The following FMOD variants were observed in gnomAD, a reference collection of about 807,000 sequenced individuals.
The protein encoded by FMOD is fibromodulin.
A neutral mutation model predicts 27.0 loss-of-function variants in FMOD; 15 were observed. The ratio of observed to expected loss-of-function variants is 0.55; its 90% confidence interval spans 0.37 to 0.85. The LOEUF is 0.85. FMOD is among the 40% of genes least tolerant of loss of function. The pLI is 0.00. For missense variants in FMOD, 460 were observed against 483.2 expected, an observed-to-expected ratio of 0.95 and a Z score of 0.45; for synonymous variants, 210 against 214.0, an observed-to-expected ratio of 0.98 and a Z score of 0.16.
intron 1 of FMOD, among the ~76,000 whole-genome samples, chr1:203,350,522 C>T (rs1388614865): frequency 6.6e-6 from 1 of 152,070 alleles, no homozygotes; most frequent in African/African-American, 2.4e-5. Flanking sequence ...ATCCACAGCT[C>T]CCTGGACATG....
chr1:203,343,463 G>A (rs1571516551), intron 2 of FMOD, among the ~76,000 whole-genome samples: 2 of 152,210 alleles, frequency 1.3e-5, no homozygotes, highest in African/African-American at 4.8e-5. Flanking sequence ...AGGAAGCCTC[G>A]TAGGGCTGTC....
At position 203,348,224 on chromosome 1, in the gene FMOD, G is replaced by A; in HGVS notation, c.47C>T (p.Ser16Phe). 1 of 1,614,198 alleles carries A rather than the reference G, an allele frequency of 6.2e-7. No individual in the cohort carries two copies. The highest frequency in any genetic ancestry group is 8.5e-7 in the Non-Finnish European group (1 of 1,180,022). ...LLLLAGLFSL[S>F]QAQYEDDPHW... ...AGGGTCATCTTCATACTGGGCCTGG[G>A]AGAGGGAGAAGAGCCCTGCCAGCAG... The change falls in exon 2 of 3, where the codon TCC becomes TTC. Residue 16 changes from serine to phenylalanine, a missense_variant. Coordinates refer to ENST00000354955, the MANE Select transcript of FMOD (RefSeq NM_002023.5).
chr1:203,342,504 C>T lies in FMOD; in HGVS notation c.980-10G>A. ...CTGCTGATGGAGAACTCTGTGGGGA[C>T]AAGAGGAGCACGGGTCAGGGAGAGA... On this transcript the variant is annotated splice_polypyrimidine_tract_variant and intron_variant, in intron 2 of 2. Coordinates refer to ENST00000354955, the MANE Select transcript of FMOD (RefSeq NM_002023.5). The T allele has an allele frequency of 6.2e-7, 1 of 1,612,008 alleles. No homozygotes were observed. The highest frequency in any genetic ancestry group is 2.2e-5 in the East Asian group (1 of 44,788).
At position 203,342,420 on chromosome 1, in the gene FMOD, C is replaced by A. The variant is rs376575413; in HGVS notation, c.1054G>T (p.Gly352Trp). The A allele has an allele frequency of 1.2e-6, 2 of 1,614,020 alleles. No homozygotes were observed. The highest frequency in any genetic ancestry group is 1.3e-5 in the African/African-American group (1 of 74,936). ...FSKLQVLRLD[G>W]NEIKRSAMPA... ...ATGGCGCTGCGCTTGATCTCGTTCCCGTCCAGGCGCAGCACCTGCAGCTTG... is the reference window on the plus strand; with the variant it reads ...ATGGCGCTGCGCTTGATCTCGTTCCAGTCCAGGCGCAGCACCTGCAGCTTG... The change falls in exon 3 of 3, where the codon GGG becomes TGG. Residue 352 changes from glycine (G) to tryptophan (W), a missense_variant. By Grantham distance (184) the Gly-to-Trp change is radical. Coordinates refer to ENST00000354955, the MANE Select transcript of FMOD (RefSeq NM_002023.5).
chr1:203,348,109 G>A lies in FMOD; in HGVS notation c.162C>T (p.Pro54=), dbSNP rs1007336710. 3.1e-6 allele frequency: 5 copies of A among 1,614,082 alleles called. No homozygotes were observed. The highest frequency in any genetic ancestry group is 1.3e-5 in the African/African-American group (1 of 74,922). Residue 54 remains proline (P), a synonymous_variant, in exon 2 of 3, where the codon CCC becomes CCT. Transcript: ENST00000354955. ...PYPYETYEPY[P]YGVDEGPAYT... is the part of the protein sequence containing the mutation. ...AGGCTGGCCCTTCATCCACCCCATA[G>A]GGGTAAGGCTCGTAGGTCTCATACG...
chr1:203,346,780 A>C (rs1478012648), intron 2 of FMOD, among the ~76,000 whole-genome samples: 3 of 152,188 alleles, frequency 2.0e-5, no homozygotes, highest in Non-Finnish European at 4.4e-5. Flanking sequence ...GCTTCAACCC[A>C]CCATTCTCCT....
chr1:203,350,780 C>T (rs1658984251), intron 1 of FMOD, among the ~76,000 whole-genome samples: 1 of 152,192 alleles, frequency 6.6e-6, no homozygotes, highest in Non-Finnish European at 1.5e-5. Context: ...GGGTCCTTCA[C>T]TTTTTCATGC....
At chr1:203,349,494 G>A (rs10920617) in intron 1 of FMOD, among the ~76,000 whole-genome samples, 12,714 of 152,200 alleles carry the variant, frequency 0.084, 732 homozygotes, top group East Asian at 0.32. Flanking sequence ...TAAGAGACTA[G>A]GGGTGGCCTG....
chr1:203,342,450 A>G lies in FMOD; in HGVS notation c.1024T>C (p.Phe342Leu). ...SFCTVVDVVN[F>L]SKLQVLRLDG... ...AGGCGCAGCACCTGCAGCTTGGAGA[A>G]GTTCACGACGTCCACCACGGTGCAG... Residue 342 changes from phenylalanine (F) to leucine (L), a missense_variant, in exon 3 of 3, where the codon TTC becomes CTC. Physicochemically the swap from Phe to Leu is conservative, Grantham distance 22. Transcript: ENST00000354955. The G allele has an allele frequency of 6.2e-7, 1 of 1,614,194 alleles. No homozygotes were observed. The highest frequency in any genetic ancestry group is 8.5e-7 in the Non-Finnish European group (1 of 1,180,010).
At position 203,348,003 on chromosome 1, in the gene FMOD, T is replaced by C. The variant is rs778711602; in HGVS notation, c.268A>G (p.Met90Val). The C allele has an allele frequency of 1.5e-5, 24 of 1,608,096 alleles. No individual in the cohort carries two copies. The highest frequency in any genetic ancestry group is 2.0e-5 in the Non-Finnish European group (23 of 1,176,644). The part of the protein sequence containing the change: ...CDCPPNFPTA[M>V]YCDNRNLKYL... ...TTGAGGTTGCGATTGTCACAGTACA[T>C]GGCCGTGGGGAAGTTGGGTGGGCAG... Residue 90 changes from methionine to valine, a missense_variant, in exon 2 of 3, where the codon ATG becomes GTG. Physicochemically the swap from Met to Val is conservative, Grantham distance 21. Transcript: ENST00000354955.
In FMOD at chr1:203,342,400, G is replaced by A. The variant is rs772045623; in HGVS notation, c.1074C>T (p.Ser358=). ...AGAGGGGCGCGTCGGCAGGCATGGC[G>A]CTGCGCTTGATCTCGTTCCCGTCCA... ...LRLDGNEIKR[S]AMPADAPLCL... Residue 358 remains serine, a synonymous_variant, in exon 3 of 3, where the codon AGC becomes AGT. Coordinates refer to ENST00000354955, the MANE Select transcript of FMOD (RefSeq NM_002023.5). 54 of 1,613,938 alleles carry A rather than the reference G, an allele frequency of 3.3e-5. No individual in the cohort carries two copies. In the Middle Eastern group the frequency reaches 4.9e-4, roughly 15 times the overall value.
At chr1:203,344,336 T>G (rs557827047) in intron 2 of FMOD, among the ~76,000 whole-genome samples, 7 of 152,312 alleles carry the variant, frequency 4.6e-5, no homozygotes, top group African/African-American at 1.4e-4. Context: ...GGGACATACC[T>G]GTGGGGAGCT....
chr1:203,347,931 T>A lies in FMOD; in HGVS notation c.340A>T (p.Asn114Tyr). ...PSRMKYVYFQ[N>Y]NQITSIQEGV... ...TCCTGGATGGAGGTGATCTGGTTGT[T>A]CTGGAAGTACACATACTTCATGCGG... Residue 114 changes from asparagine (N) to tyrosine (Y), a missense_variant, in exon 2 of 3, where the codon AAC becomes TAC. Asn to Tyr is a moderately radical substitution (Grantham distance 143). Transcript: ENST00000354955. 6.2e-7 allele frequency: 1 copy of A among 1,611,956 alleles called. No homozygotes were observed. The highest frequency in any genetic ancestry group is 8.5e-7 in the Non-Finnish European group (1 of 1,178,306).
intron 2 of FMOD, among the ~76,000 whole-genome samples, chr1:203,343,186 A>T (rs898843204): frequency 1.8e-4 from 28 of 152,218 alleles, no homozygotes; most frequent in Non-Finnish European, 4.1e-4. Flanking sequence ...ATTTAATATG[A>T]TTACAATCTA....
At chr1:203,346,203 G>A (rs28583560) in intron 2 of FMOD, among the ~76,000 whole-genome samples, 9,429 of 152,132 alleles carry the variant, frequency 0.062, 305 homozygotes, top group African/African-American at 0.091. Flanking sequence ...AGAGGGTGAC[G>A]ACTCTGTTCT....
In FMOD at chr1:203,348,117, G is replaced by A. The variant is rs1290298278; in HGVS notation, c.154C>T (p.Pro52Ser). ...YDPYPYETYE[P>S]YPYGVDEGPA... ...CCTTCATCCACCCCATAGGGGTAAG[G>A]CTCGTAGGTCTCATACGGGTAAGGG... The change falls in exon 2 of 3, where the codon CCT (proline) becomes TCT (serine). Residue 52 changes from proline to serine, a missense_variant. Transcript: ENST00000354955. The A allele has an allele frequency of 1.2e-6, 2 of 1,614,190 alleles. No individual in the cohort carries two copies. The highest frequency in any genetic ancestry group is 1.7e-6 in the Non-Finnish European group (2 of 1,180,024).
chr1:203,347,542 G>T lies in FMOD; in HGVS notation c.729C>A (p.Pro243=). 3 of 1,614,204 alleles carry T rather than the reference G, an allele frequency of 1.9e-6. No homozygotes were observed. Among genetic ancestry groups the T allele is most frequent in the Non-Finnish European group, 2.5e-6 (3 of 1,180,026 alleles). ...CCATGTACAGCTGCTCAAGAGCTGA[G>T]GGCAGCCCATCAGGCACCTTCCGAA... The part of the protein sequence containing the change: ...NHLRKVPDGL[P]SALEQLYMEH... The change falls in exon 2 of 3, where the codon CCC becomes CCA. Residue 243 remains proline (P), a synonymous_variant. Coordinates refer to ENST00000354955, the MANE Select transcript of FMOD (RefSeq NM_002023.5).
rs773686012 is a variant in FMOD at position 203,346,906 on chromosome 1, C to G, written c.979+386G>C. ...ACACATGACCCCTTCATCTCAGACA[C>G]GTGACATTTCCCAGCTGTCCCCTAC... On this transcript the variant is annotated intron_variant, in intron 2 of 2. Transcript: ENST00000354955. Among the ~76,000 whole-genome samples, 3 of 152,204 alleles carry G rather than the reference C, an allele frequency of 2.0e-5. 1 individual carries two copies. The highest frequency in any genetic ancestry group is 7.2e-5 in the African/African-American group (3 of 41,434).
At chr1:203,348,972 A>C (rs1002075973) in intron 1 of FMOD, among the ~76,000 whole-genome samples, 2 of 152,228 alleles carry the variant, frequency 1.3e-5, no homozygotes, top group Non-Finnish European at 2.9e-5. Context: ...ACTGGTTAGC[A>C]GTTTGTGGCT....
Sources: gnomAD v4.1 joint callset for allele counts (sites outside exome capture counted in the v4.1 genomes callset) on GRCh38, gnomAD v4.1.1 for gene constraint, MANE v1.5 for transcripts, NCBI Gene and HGNC (gene_info 2026-07-23, HGNC 2026-07-21) for gene names.